Variants in EFNA4 observed in about 807,000 individuals in gnomAD.
EFNA4 encodes the protein ephrin-A4.
Under a neutral mutation model 23.7 loss-of-function variants are expected in EFNA4, and 22 were observed. The observed-to-expected ratio is 0.93, with a 90% confidence interval of 0.66 to 1.32. EFNA4 has a LOEUF of 1.32. Among genes scored for constraint, EFNA4 ranks in the 40% most tolerant of loss-of-function variants. The pLI, the probability that EFNA4 is intolerant of heterozygous loss-of-function variation, is 0.00. For synonymous variants in EFNA4, 113 were observed against 108.3 expected (o/e 1.04, Z -0.27); for missense variants, 252 against 252.3 (o/e 1.00, Z 0.01).
chr1:155,066,797 T>A lies in EFNA4; in HGVS notation c.181T>A (p.Tyr61Asn), dbSNP rs1166365914. The part of the protein sequence containing the change: ...NDYLDIVCPH[Y>N]EGPGPPEGPE... ...TTACCTAGACATTGTCTGCCCCCAC[T>A]ACGAAGGCCCAGGGCCCCCTGAGGG... Residue 61 changes from tyrosine to asparagine, a missense_variant, in exon 2 of 4, where the codon TAC becomes AAC. Tyr to Asn is a moderately radical substitution (Grantham distance 143). Transcript: ENST00000368409. 3 of 1,612,862 alleles carry A rather than the reference T, an allele frequency of 1.9e-6. No homozygotes were observed. In the South Asian group the frequency reaches 3.3e-5, roughly 18 times the overall value.
In EFNA4 at chr1:155,069,523, A is replaced by C. The variant is rs1476999346; in HGVS notation, c.*534A>C. 2 of 221,600 alleles carry C rather than the reference A, an allele frequency of 9.0e-6. No homozygotes were observed. The highest frequency in any genetic ancestry group is 4.6e-5 in the African/African-American group (2 of 43,190). 13.7% of individuals were successfully genotyped at this position (221,600 alleles called of 1,614,324 possible). A position where few individuals can be genotyped will look rare whatever the true frequency, so the allele number is the denominator to read the frequency against. ...TAAGTATCTAGACCAAACCTTCAAT[A>C]AACCACTCATCTTTTTGTTGCCCTC... is the stretch of plus-strand genomic sequence containing the variant. On this transcript the variant is annotated 3_prime_UTR_variant, in exon 4 of 4. Transcript: ENST00000368409.
At chr1:155,064,429 T>C (rs1362760569) in intron 1 of EFNA4, among the ~76,000 whole-genome samples, 1 of 152,236 alleles carries the variant, frequency 6.6e-6, no homozygotes, top group African/African-American at 2.4e-5. Flanking sequence ...TTGGTCCTTC[T>C]GTTTCTTTCC....
In EFNA4 at chr1:155,063,858, G is replaced by A; in HGVS notation, c.35G>A (p.Trp12Ter). ...RLLPLLRTVL[W>*]AAFLGSPLRG... ...CTGCCCCTGCTGCGGACTGTCCTCT[G>A]GGCCGCGTTCCTCGGCTCCCCTCTG... The change falls in exon 1 of 4, where the codon TGG becomes TAG. Residue 12 changes from tryptophan to a stop codon, truncating the protein, a stop_gained. Transcript: ENST00000368409. LOFTEE classifies it high-confidence loss of function. The surrounding 1 kb of genome is among the most constrained non-coding windows in gnomAD (Gnocchi z 4.1). 1 of 1,551,694 alleles carries A rather than the reference G, an allele frequency of 6.4e-7. No homozygotes were observed.
Position 155,067,035 on chromosome 1 carries a change from A to C in EFNA4, c.400+19A>C. On this transcript the variant is annotated intron_variant, in intron 2 of 3. Coordinates refer to ENST00000368409, the MANE Select transcript of EFNA4 (RefSeq NM_005227.3). ...TACATCTGTGAGTGGCCAAGGGCAC[A>C]CTGGACACCTCTTGTGTACCAGAAG... 1 of 1,587,316 alleles carries C rather than the reference A, an allele frequency of 6.3e-7. No individual in the cohort carries two copies.
Position 155,068,859 on chromosome 1 carries a change from A to C in EFNA4, c.476A>C (p.Glu159Ala), listed in dbSNP as rs1571655383. Residue 159 changes from glutamate to alanine, a missense_variant, in exon 4 of 4, where the codon GAG becomes GCG. Glu to Ala is a moderately radical substitution (Grantham distance 107). Coordinates refer to ENST00000368409, the MANE Select transcript of EFNA4 (RefSeq NM_005227.3). ...TACCCCCTCCCCCTCACAGAGTCTG[A>C]GTCAGCCCATCCTGTTGGGAGCCCT... ...VSVCCKERKS[E>A]SAHPVGSPGE... 1 of 1,612,436 alleles carries C rather than the reference A, an allele frequency of 6.2e-7. No homozygotes were observed. Among genetic ancestry groups the C allele is most frequent in the African/African-American group, 1.3e-5 (1 of 74,974 alleles).
In EFNA4 at chr1:155,069,378, C is replaced by G. The variant is rs1455348952; in HGVS notation, c.*389C>G. The G allele has an allele frequency of 5.2e-6, 3 of 572,418 alleles. No individual in the cohort carries two copies. The highest frequency in any genetic ancestry group is 8.8e-6 in the Non-Finnish European group (3 of 341,034). 35.5% of individuals were successfully genotyped at this position (572,418 alleles called of 1,614,324 possible). A position where few individuals can be genotyped will look rare whatever the true frequency, so the allele number is the denominator to read the frequency against. ...CAGGGCAAAGAAGAAGCCCTGCCAT[C>G]TGTGCCCTGTGGGCCTTTTCCCTGG... is the stretch of plus-strand genomic sequence containing the variant. On this transcript the variant is annotated 3_prime_UTR_variant, in exon 4 of 4. Transcript: ENST00000368409.
At chr1:155,064,591 C>T (rs1001331677) in intron 1 of EFNA4, among the ~76,000 whole-genome samples, 10 of 152,204 alleles carry the variant, frequency 6.6e-5, no homozygotes, top group Non-Finnish European at 1.0e-4. Context: ...GAAAGAGGCT[C>T]AGGCTGTACA....
rs762225853 is a variant in EFNA4, at chr1:155,066,738, G to A, written c.122G>A (p.Arg41Gln). ...YWNSSNPRLLRGDAVVELGLN... is the reference protein window; with the variant it reads ...YWNSSNPRLLQGDAVVELGLN... The stretch of plus-strand genomic sequence containing the variant: ...CTGCGTTATGCCTGCAGGTTGCTTC[G>A]AGGAGACGCCGTGGTGGAGCTGGGC... Residue 41 changes from arginine (R) to glutamine (Q), a missense_variant, in exon 2 of 4, where the codon CGA becomes CAA. Physicochemically the swap from Arg to Gln is conservative, Grantham distance 43. Coordinates refer to ENST00000368409, the MANE Select transcript of EFNA4 (RefSeq NM_005227.3). The A allele has an allele frequency of 8.8e-6, 14 of 1,594,698 alleles. No homozygotes were observed. Among genetic ancestry groups the A allele is most frequent in the East Asian group, 2.2e-5 (1 of 44,762 alleles).
intron 3 of EFNA4, among the ~76,000 whole-genome samples, chr1:155,067,654 C>T (rs1182059226): frequency 2.0e-5 from 3 of 152,208 alleles, no homozygotes; most frequent in Non-Finnish European, 1.5e-5. Context: ...CGGAGTCTCG[C>T]TCTGTTGCCC....
Position 155,066,748 on chromosome 1 carries a change from C to T in EFNA4, c.132C>T (p.Ala44=), listed in dbSNP as rs146980401. 45 of 1,600,894 alleles carry T rather than the reference C, an allele frequency of 2.8e-5. No homozygotes were observed. The highest frequency in any genetic ancestry group is 1.7e-4 in the Middle Eastern group (1 of 5,994). ...CCTGCAGGTTGCTTCGAGGAGACGC[C>T]GTGGTGGAGCTGGGCCTCAACGATT... is the stretch of plus-strand genomic sequence containing the variant. ...SSNPRLLRGD[A]VVELGLNDYL... is the part of the protein sequence containing the mutation. The change falls in exon 2 of 4, where the codon GCC becomes GCT. Residue 44 remains alanine (A), a synonymous_variant. Transcript: ENST00000368409.
intron 3 of EFNA4, among the ~76,000 whole-genome samples, chr1:155,067,769 C>T (rs889662775): frequency 6.6e-6 from 1 of 151,594 alleles, no homozygotes; most frequent in African/African-American, 2.4e-5. Context: ...CTACAGGCAC[C>T]CGCCACCACA....
Position 155,069,101 on chromosome 1 carries a change from T to G in EFNA4, c.*112T>G. The G allele has an allele frequency of 6.2e-7, 1 of 1,611,186 alleles. No individual in the cohort carries two copies. The highest frequency in any genetic ancestry group is 1.1e-5 in the South Asian group (1 of 90,902). On this transcript the variant is annotated 3_prime_UTR_variant, in exon 4 of 4. Transcript: ENST00000368409. The stretch of plus-strand genomic sequence containing the variant: ...GGGGTGCCAATTCAGACCGACAAGA[T>G]GGAGCATTGATGGGGGAGATCAGAG...
At chr1:155,065,700 CTTTATTTATTTATTTATTTA>C (rs149262026) in intron 1 of EFNA4, among the ~76,000 whole-genome samples, 11 of 123,874 alleles carry the variant, frequency 8.9e-5, no homozygotes, top group South Asian at 2.8e-4. Context: ...CACTCATGGC[CTTTATTTATTTATTTATTTA>C]TTTATTTATT....
At position 155,063,774 on chromosome 1, in the gene EFNA4, T is replaced by G; in HGVS notation, c.-50T>G. 6.9e-7 allele frequency: 1 copy of G among 1,452,680 alleles called. No individual in the cohort carries two copies. Among genetic ancestry groups the G allele is most frequent in the Non-Finnish European group, 9.1e-7 (1 of 1,095,732 alleles). The allele number at this position is 1,452,680 out of a possible 1,614,324, so 90.0% of individuals were successfully genotyped here. A position where few individuals can be genotyped will look rare whatever the true frequency, so the allele number is the denominator to read the frequency against. On this transcript the variant is annotated 5_prime_UTR_variant, in exon 1 of 4. Transcript: ENST00000368409. The surrounding 1 kb of genome is among the most constrained non-coding windows in gnomAD (Gnocchi z 4.1). ...CTTTGTACCTTTCTCTCCTCGACTG[T>G]GAAGCGGGCCGGGACCTGCCAGGCC...
intron 1 of EFNA4, among the ~76,000 whole-genome samples, chr1:155,064,386 C>T (rs1434869309): frequency 6.6e-6 from 1 of 152,216 alleles, no homozygotes; most frequent in Non-Finnish European, 1.5e-5. Context: ...CTCCTGATCT[C>T]ATTTGCTATC....
Position 155,066,868 on chromosome 1 carries a change from G to C in EFNA4, c.252G>C (p.Glu84Asp). The change falls in exon 2 of 4, where the codon GAG becomes GAC. Residue 84 changes from glutamate (E) to aspartate (D), a missense_variant. Transcript: ENST00000368409. Reference protein sequence around the residue: ...ALYMVDWPGYESCQAEGPRAY... With the variant: ...ALYMVDWPGYDSCQAEGPRAY... ...ACATGGTGGACTGGCCAGGCTATGA[G>C]TCCTGCCAGGCAGAGGGCCCCCGGG... The C allele has an allele frequency of 6.2e-7, 1 of 1,614,084 alleles. No individual in the cohort carries two copies. Among genetic ancestry groups the C allele is most frequent in the Non-Finnish European group, 8.5e-7 (1 of 1,180,036 alleles).
rs750115905 is a variant in EFNA4 at position 155,069,126 on chromosome 1, G to C, written c.*137G>C. On this transcript the variant is annotated 3_prime_UTR_variant, in exon 4 of 4. Transcript: ENST00000368409. The stretch of plus-strand genomic sequence containing the variant: ...TGGAGCATTGATGGGGGAGATCAGA[G>C]GGTCTGAGGTGACTCTTGCAGGAGC... 1.6e-5 allele frequency: 26 copies of C among 1,611,484 alleles called. 1 individual carries two copies. The South Asian group carries it at 2.9e-4, about 18-fold the overall frequency.
rs374633006 is a variant in EFNA4 at position 155,069,342 on chromosome 1, G to C, written c.*353G>C. ...CAGGCTGAAGACCTGGGGACAGGTC[G>C]ATTGCTGGACCAGGGCAAAGAAGAA... On this transcript the variant is annotated 3_prime_UTR_variant, in exon 4 of 4. Transcript: ENST00000368409. The C allele has an allele frequency of 4.2e-6, 3 of 715,172 alleles. No individual in the cohort carries two copies. Among genetic ancestry groups the C allele is most frequent in the African/African-American group, 3.7e-5 (2 of 54,494 alleles). The allele number at this position is 715,172 out of a possible 1,614,324, so 44.3% of individuals were successfully genotyped here.
At chr1:155,064,265 G>A (rs1376480730) in intron 1 of EFNA4, among the ~76,000 whole-genome samples, 2 of 152,240 alleles carry the variant, frequency 1.3e-5, no homozygotes, top group Non-Finnish European at 2.9e-5. Flanking sequence ...GCCTCCCGCA[G>A]GCTGGAGCTG....
Sources: allele counts gnomAD v4.1 joint callset (sites outside exome capture counted in the v4.1 genomes callset), GRCh38; gene constraint gnomAD v4.1.1; non-coding constraint Gnocchi (gnomAD v3.1); transcripts MANE v1.5; gene names NCBI Gene and HGNC (gene_info 2026-07-23, HGNC 2026-07-21).